The following ASNS variants were observed in gnomAD, a reference collection of about 807,000 sequenced individuals.
ASNS encodes the protein asparagine synthetase (glutamine-hydrolyzing), also known as asparagine synthetase [glutamine-hydrolyzing].
A neutral mutation model predicts 62.6 loss-of-function variants in ASNS; 37 were observed. The ratio of observed to expected loss-of-function variants is 0.59; its 90% CI spans 0.45 to 0.78. ASNS has a LOEUF of 0.78. Ranked by LOEUF, ASNS falls within the 30% of genes least tolerant of loss-of-function variation. The pLI is 0.00. For missense variants in ASNS, 520 were observed against 682.4 expected (o/e 0.76, Z 2.65); for synonymous variants, 207 against 237.9 (o/e 0.87, Z 1.19).
chr7:97,858,322 CA>C lies in ASNS; in HGVS notation c.858del (p.Phe286LeufsTer58). On this transcript the variant is annotated frameshift_variant, in exon 7 of 13. Transcript: ENST00000394308. LOFTEE classifies it high-confidence loss of function. ...TCGGGGCTGTCTTCCATGCCAATTG[CA>C]AATGTCTGGAGAGGATACTGTACTT... Reference protein sequence around the residue: ...EAQVQYPLQTFAIGMEDSPDL... With the variant: ...EAQVQYPLQTXAIGMEDSPDL... 3 of 1,613,888 alleles carry C rather than the reference CA, an allele frequency of 1.9e-6. No homozygotes were observed.
At chr7:97,903,629 A>G in the ASNS span, among the ~76,000 whole-genome samples, 9 of 152,308 alleles carry the variant, frequency 5.9e-5, no homozygotes, top group Non-Finnish European at 1.2e-4. Context: ...GGAAAGAGAG[A>G]TGGACTTTTT....
At chr7:97,925,338 C>G in the ASNS span, among the ~76,000 whole-genome samples, 5 of 152,056 alleles carry the variant, frequency 3.3e-5, no homozygotes, top group Non-Finnish European at 7.4e-5. Context: ...GACCCAAGCT[C>G]GACACTCTCA....
rs1791226227 is a variant in ASNS, at chr7:97,852,438, G to C, written c.1507C>G (p.Gln503Glu). The C allele has an allele frequency of 6.2e-7, 1 of 1,613,946 alleles. No individual in the cohort carries two copies. The highest frequency in any genetic ancestry group is 1.3e-5 in the African/African-American group (1 of 74,874). Reference sequence around the variant, plus strand: ...TTAGGAGTATTGAAGGGAAATTTCTGGGCTGCATTTGCCATCATTGCATCA... The same window carrying C: ...TTAGGAGTATTGAAGGGAAATTTCTCGGCTGCATTTGCCATCATTGCATCA... ...VDDAMMANAA[Q>E]KFPFNTPKTK... The change falls in exon 13 of 13, where the codon CAG becomes GAG. Residue 503 changes from glutamine (Q) to glutamate (E), a missense_variant. By Grantham distance (29) the Gln-to-Glu change is conservative (BLOSUM62 2). Coordinates refer to ENST00000394308, the MANE Select transcript of ASNS (RefSeq NM_001673.5).
At chr7:97,924,841 A>AT in the ASNS span, among the ~76,000 whole-genome samples, 2 of 152,254 alleles carry the variant, frequency 1.3e-5, no homozygotes. Context: ...TGTCTGTGTT[A>AT]CAATGCTATG....
At chr7:97,900,378 A>AAAAAAAAAC in the ASNS span, among the ~76,000 whole-genome samples, 3 of 150,254 alleles carry the variant, frequency 2.0e-5, no homozygotes, top group African/African-American at 7.3e-5. Flanking sequence ...AAAAAAAAAA[A>AAAAAAAAAC]AAAAAACAGA....
At chr7:97,872,157 G>GT (rs1792306113) in intron 1 of ASNS, 194 bp downstream of exon 1, 1 of 152,344 alleles carries the variant, frequency 6.6e-6, no homozygotes, top group Non-Finnish European at 1.5e-5. Flanking sequence ...TGTCAGGTGC[G>GT]TAACAATCGC....
the ASNS span, chr7:97,906,618 A>G: frequency 1.2e-5 from 2 of 161,522 alleles, no homozygotes; most frequent in Non-Finnish European, 2.7e-5. Context: ...TTCTGCCTCC[A>G]TGCTTTTCCT....
the ASNS span, among the ~76,000 whole-genome samples, chr7:97,894,669 A>C: frequency 6.6e-6 from 1 of 152,288 alleles, no homozygotes; most frequent in East Asian, 1.9e-4. Context: ...CCAAGATTGA[A>C]CTAGGAAGAA....
chr7:97,900,631 G>C, the ASNS span, among the ~76,000 whole-genome samples: 1 of 152,192 alleles, frequency 6.6e-6, no homozygotes, highest in African/African-American at 2.4e-5. Context: ...CAGAAATGCT[G>C]CCATGAGGGC....
the ASNS span, chr7:97,908,675 T>C: frequency 1.3e-5 from 2 of 152,192 alleles, no homozygotes; most frequent in South Asian, 4.1e-4. Flanking sequence ...GTGCTAAGAT[T>C]ACAGGCATGA....
At chr7:97,908,347 G>A in the ASNS span, 2 of 152,172 alleles carry the variant, frequency 1.3e-5, no homozygotes, top group Non-Finnish European at 2.9e-5. Flanking sequence ...CTTCACCCCG[G>A]AAAGGCAACA....
chr7:97,925,823 G>A, the ASNS span, among the ~76,000 whole-genome samples: 1 of 152,158 alleles, frequency 6.6e-6, no homozygotes, highest in African/African-American at 2.4e-5. Context: ...CTGGTCTTGG[G>A]GAAGGCTGAG....
At chr7:97,919,274 C>T in the ASNS span, among the ~76,000 whole-genome samples, 1 of 152,272 alleles carries the variant, frequency 6.6e-6, no homozygotes, top group East Asian at 1.9e-4. Flanking sequence ...CACCACCAAG[C>T]CTGGCTAACT....
chr7:97,868,913 T>C lies in ASNS; in HGVS notation c.244A>G (p.Lys82Glu), dbSNP rs776166398. ...TCTGGTTTCTTTCTCCTCACCTTCT[T>C]ATGGTTGTAGATTTCACCATTGTAA... ...LCYNGEIYNH[K>E]KMQQHFEFEY... is the part of the protein sequence containing the mutation. The change falls in exon 3 of 13, where the codon AAG (lysine) becomes GAG (glutamate). Residue 82 changes from lysine to glutamate, a missense_variant. By Grantham distance (56) the Lys-to-Glu change is moderately conservative. Coordinates refer to ENST00000394308, the MANE Select transcript of ASNS (RefSeq NM_001673.5). 33 of 1,613,752 alleles carry C rather than the reference T, an allele frequency of 2.0e-5. No homozygotes were observed. The highest frequency in any genetic ancestry group is 2.8e-5 in the Non-Finnish European group (33 of 1,179,970).
the ASNS span, among the ~76,000 whole-genome samples, chr7:97,907,089 G>A: frequency 2.0e-5 from 3 of 152,230 alleles, no homozygotes; most frequent in Middle Eastern, 6.8e-3. Flanking sequence ...CCACAACCCA[G>A]TCAAATTGAT....
At chr7:97,893,158 G>A in the ASNS span, among the ~76,000 whole-genome samples, 1 of 152,220 alleles carries the variant, frequency 6.6e-6, no homozygotes, top group African/African-American at 2.4e-5. Context: ...CTTGAGCAGG[G>A]AAACTCCTCC....
At chr7:97,876,429 A>G (rs1365404530), upstream of ASNS, among the ~76,000 whole-genome samples, 2 of 137,278 alleles carry the variant, frequency 1.5e-5, no homozygotes, top group African/African-American at 5.4e-5. Context: ...ACTCAAACAT[A>G]TTTTTTTTTT....
the ASNS span, among the ~76,000 whole-genome samples, chr7:97,896,353 C>T: frequency 6.6e-6 from 1 of 151,422 alleles, no homozygotes; most frequent in African/African-American, 2.4e-5. Context: ...CTTTGGGAGG[C>T]CAAGGCGGGT....
the ASNS span, among the ~76,000 whole-genome samples, chr7:97,892,038 G>T: frequency 6.6e-6 from 1 of 152,220 alleles, no homozygotes; most frequent in Non-Finnish European, 1.5e-5. Context: ...CCCTGCCCCT[G>T]CAGCAAACTC....
Sources: gnomAD v4.1 joint callset for allele counts (sites outside exome capture counted in the v4.1 genomes callset) on GRCh38, gnomAD v4.1.1 for gene constraint, MANE v1.5 for transcripts, NCBI Gene and HGNC (gene_info 2026-07-23, HGNC 2026-07-21) for gene names.